Variants in MYOM2 observed in about 807,000 individuals in gnomAD.
MYOM2 encodes the protein myomesin-2.
Under a neutral mutation model 187.6 loss-of-function variants are expected in MYOM2, and 254 were observed. The ratio of observed to expected loss-of-function variants is 1.35; its 90% confidence interval spans 1.22 to 1.50. The LOEUF is 1.50. MYOM2 is among the 40% of genes most tolerant of loss of function. The pLI is 0.00. For missense variants in MYOM2, 2,796 were observed against 1,924.0 expected, an observed-to-expected ratio of 1.45 and a Z score of -8.48; for synonymous variants, 981 against 753.8, an observed-to-expected ratio of 1.30 and a Z score of -4.94.
intron 14 of MYOM2, among the ~76,000 whole-genome samples, chr8:2,086,866 G>A (rs1796108518): frequency 6.6e-6 from 1 of 152,234 alleles, no homozygotes; most frequent in Admixed American, 6.5e-5. Context: ...ATGGCCACTG[G>A]GTGGCAATCG....
At chr8:2,126,179 G>A (rs1328169066) in intron 31 of MYOM2, among the ~76,000 whole-genome samples, 1 of 152,182 alleles carries the variant, frequency 6.6e-6, no homozygotes, top group Non-Finnish European at 1.5e-5. Flanking sequence ...AAGCAGAGAT[G>A]CAGCGGCTGA....
Position 2,078,836 on chromosome 8 carries a change from C to T in MYOM2, c.1365C>T (p.Phe455=). The change falls in exon 12 of 37, where the codon TTC becomes TTT. Residue 455 remains phenylalanine, a synonymous_variant. Transcript: ENST00000262113. ...TGLFEGRSYI[F]RVRAVNSAGI... Reference sequence around the variant, plus strand: ...TTTTTGAAGGAAGGTCTTACATATTCCGAGTGAGGGCAGTGAACAGTGCGG... The same window carrying T: ...TTTTTGAAGGAAGGTCTTACATATTTCGAGTGAGGGCAGTGAACAGTGCGG... 6.2e-7 allele frequency: 1 copy of T among 1,614,108 alleles called. No homozygotes were observed. Among genetic ancestry groups the T allele is most frequent in the Non-Finnish European group, 8.5e-7 (1 of 1,179,998 alleles).
At chr8:2,123,671 A>G in intron 30 of MYOM2, 29 bp downstream of exon 30, 1 of 1,594,542 alleles carries the variant, frequency 6.3e-7, no homozygotes, top group East Asian at 2.2e-5. Flanking sequence ...TGTTCTGTGA[A>G]CAAGAAATTC....
chr8:2,100,832 G>C, intron 19 of MYOM2, 44 bp from the exon 20 acceptor site: 2 of 1,606,442 alleles, frequency 1.2e-6, no homozygotes, highest in South Asian at 2.2e-5. Flanking sequence ...GGGTGTGCTG[G>C]ACTGGCTATG....
At chr8:2,078,087 G>GT (rs761469794) in intron 11 of MYOM2, among the ~76,000 whole-genome samples, 1 of 152,136 alleles carries the variant, frequency 6.6e-6, no homozygotes, top group Non-Finnish European at 1.5e-5. Flanking sequence ...TCATGTGAAG[G>GT]TTTTTTTCTT....
chr8:2,069,237 C>A, intron 6 of MYOM2, 41 bp from the exon 7 acceptor site: 2 of 1,583,454 alleles, frequency 1.3e-6, no homozygotes, highest in South Asian at 1.1e-5. Flanking sequence ...GACTTTTACA[C>A]AACAGTCCCG....
At chr8:2,114,484 CT>C (rs138514395) in intron 25 of MYOM2, among the ~76,000 whole-genome samples, 30,412 of 151,956 alleles carry the variant, frequency 0.2, 3,224 homozygotes, top group African/African-American at 0.27. Flanking sequence ...TTCTTTCCCC[CT>C]TTTTTTGAGA....
chr8:2,136,086 A>T (rs1371340880), intron 32 of MYOM2, among the ~76,000 whole-genome samples: 4 of 152,228 alleles, frequency 2.6e-5, no homozygotes, highest in African/African-American at 9.6e-5. Flanking sequence ...TCTGAGTCGT[A>T]TCGAGGGAAC....
chr8:2,083,529 G>C (rs1356373632), intron 13 of MYOM2, among the ~76,000 whole-genome samples: 5 of 152,174 alleles, frequency 3.3e-5, no homozygotes, highest in Non-Finnish European at 5.9e-5. Flanking sequence ...CGTGTGCTTA[G>C]CGGCATCTTG....
chr8:2,077,692 C>T (rs1819482178), intron 11 of MYOM2, among the ~76,000 whole-genome samples: 1 of 152,122 alleles, frequency 6.6e-6, no homozygotes, highest in Non-Finnish European at 1.5e-5. Flanking sequence ...TGACAAAAAC[C>T]ATTTCCTGCA....
chr8:2,126,812 G>A (rs1272450919), intron 31 of MYOM2, among the ~76,000 whole-genome samples: 1 of 141,662 alleles, frequency 7.1e-6, no homozygotes, highest in African/African-American at 2.6e-5. Context: ...GGGGGAGGCT[G>A]ATAAAGTCTG....
At chr8:2,106,678 C>G (rs1455576805) in intron 23 of MYOM2, 81 bp downstream of exon 23, 11 of 1,049,692 alleles carry the variant, frequency 1.0e-5, no homozygotes, top group Non-Finnish European at 2.7e-6. Flanking sequence ...AAAAGACTTA[C>G]TTGCTTAGAA....
intron 31 of MYOM2, among the ~76,000 whole-genome samples, chr8:2,126,916 G>T (rs1042707992): frequency 1.3e-5 from 2 of 148,632 alleles, no homozygotes; most frequent in South Asian, 4.4e-4. Flanking sequence ...GGGGAGCACT[G>T]GGGGAGGCAG....
At chr8:2,109,066 C>G (rs988083882) in intron 24 of MYOM2, among the ~76,000 whole-genome samples, 1 of 152,160 alleles carries the variant, frequency 6.6e-6, no homozygotes, top group African/African-American at 2.4e-5. Flanking sequence ...ATAGCTGTTG[C>G]TAATCCGAGT....
At chr8:2,141,228 C>T (rs368381967) in intron 34 of MYOM2, 51 bp downstream of exon 34, 10 of 1,546,430 alleles carry the variant, frequency 6.5e-6, no homozygotes, top group Non-Finnish European at 8.9e-6. Context: ...AGTTGAGTCC[C>T]AGTCGTTTTG....
At position 2,144,871 on chromosome 8, in the gene MYOM2, G is replaced by A. The variant is rs1249735802; in HGVS notation, c.4288G>A (p.Asp1430Asn). The change falls in exon 37 of 37, where the codon GAC becomes AAC. Residue 1430 changes from aspartate (D) to asparagine (N), a missense_variant. By Grantham distance (23) the Asp-to-Asn change is conservative. Transcript: ENST00000262113. ...IKNKYGGEKIDVTVSVYKHGE... is the reference protein window; with the variant it reads ...IKNKYGGEKINVTVSVYKHGE... ...GAATAAGTATGGCGGGGAGAAGATC[G>A]ACGTGACAGTGAGCGTGTACAAACA... 3.1e-6 allele frequency: 5 copies of A among 1,613,958 alleles called. No individual in the cohort carries two copies. Among genetic ancestry groups the A allele is most frequent in the Admixed American group, 1.7e-5 (1 of 60,006 alleles).
intron 19 of MYOM2, among the ~76,000 whole-genome samples, chr8:2,099,473 G>C (rs758975608): frequency 2.0e-4 from 30 of 151,918 alleles, no homozygotes; most frequent in Admixed American, 7.2e-4. Context: ...GGCACGACAG[G>C]GTTCTCATTC....
intron 6 of MYOM2, among the ~76,000 whole-genome samples, chr8:2,067,200 G>A (rs1487495526): frequency 6.6e-6 from 1 of 152,300 alleles, no homozygotes; most frequent in East Asian, 1.9e-4. Flanking sequence ...TAGTGGAACA[G>A]AGAAGAAAAT....
At chr8:2,120,264 C>G (rs1232445910) in intron 28 of MYOM2, among the ~76,000 whole-genome samples, 1 of 151,950 alleles carries the variant, frequency 6.6e-6, no homozygotes, top group African/African-American at 2.4e-5. Context: ...GTTTAACTGT[C>G]GTTAGTTGGT....
Sources: allele counts gnomAD v4.1 joint callset (sites outside exome capture counted in the v4.1 genomes callset), GRCh38; gene constraint gnomAD v4.1.1; transcripts MANE v1.5; gene names NCBI Gene and HGNC (gene_info 2026-07-23, HGNC 2026-07-21).